The following ASB4 variants were observed in gnomAD, a reference collection of about 807,000 sequenced individuals.
The protein encoded by ASB4 is ankyrin repeat and SOCS box containing 4, also known as ankyrin repeat and SOCS box protein 4.
Under a neutral mutation model 38.6 loss-of-function variants are expected in ASB4, and 35 were observed. That is an observed-to-expected ratio of 0.91 (90% CI 0.69 to 1.20). The LOEUF is 1.20. Among genes scored for constraint, ASB4 ranks in the 50% most tolerant of loss-of-function variants. ASB4 has a pLI of 0.00. For synonymous variants in ASB4, 195 were observed against 201.3 expected, an observed-to-expected ratio of 0.97 and a Z score of 0.26; for missense variants, 557 against 527.2, an observed-to-expected ratio of 1.06 and a Z score of -0.55.
chr7:95,519,933 A>G (rs1011501084), intron 2 of ASB4, among the ~76,000 whole-genome samples: 8 of 152,126 alleles, frequency 5.3e-5, no homozygotes, highest in African/African-American at 1.9e-4. Flanking sequence ...ATACATAAAG[A>G]GATGTTTTCT....
chr7:95,498,749 TG>T (rs1790288452), intron 2 of ASB4, among the ~76,000 whole-genome samples: 1 of 152,198 alleles, frequency 6.6e-6, no homozygotes, highest in Admixed American at 6.5e-5. Flanking sequence ...TTGTTTCATA[TG>T]TTTATTTCTA....
At chr7:95,516,240 G>T (rs927552835) in intron 2 of ASB4, among the ~76,000 whole-genome samples, 5 of 152,106 alleles carry the variant, frequency 3.3e-5, no homozygotes, top group African/African-American at 9.7e-5. Flanking sequence ...GATTTCATGA[G>T]CCCAACAGAT....
chr7:95,515,217 C>CTTTATT (rs752644523), intron 2 of ASB4, among the ~76,000 whole-genome samples: 1 of 113,542 alleles, frequency 8.8e-6, no homozygotes, highest in African/African-American at 4.3e-5. Context: ...TTCTTTCTTT[C>CTTTATT]TTTCTTTCTT....
intron 2 of ASB4, among the ~76,000 whole-genome samples, chr7:95,520,745 C>T (rs1790650980): frequency 6.6e-6 from 1 of 151,668 alleles, no homozygotes; most frequent in Non-Finnish European, 1.5e-5. Context: ...TCTTTATCCA[C>T]TGCCACACCT....
intron 2 of ASB4, among the ~76,000 whole-genome samples, chr7:95,519,238 T>C (rs1788783438): frequency 1.3e-5 from 2 of 152,186 alleles, no homozygotes; most frequent in African/African-American, 4.8e-5. Flanking sequence ...GTTCATGACA[T>C]ACTCGACACT....
chr7:95,547,655 G>A, the ASB4 span, among the ~76,000 whole-genome samples: 1 of 152,222 alleles, frequency 6.6e-6, no homozygotes, highest in Non-Finnish European at 1.5e-5. Context: ...TTAAACATCA[G>A]TTTAGATGTT....
intron 2 of ASB4, among the ~76,000 whole-genome samples, chr7:95,513,042 G>A (rs1289787763): frequency 1.3e-5 from 2 of 152,012 alleles, no homozygotes; most frequent in Admixed American, 1.3e-4. Context: ...TATAGTTAGA[G>A]GAAATGTGGC....
intron 2 of ASB4, among the ~76,000 whole-genome samples, chr7:95,523,267 A>C (rs1790688020): frequency 6.6e-6 from 1 of 152,230 alleles, no homozygotes; most frequent in African/African-American, 2.4e-5. Flanking sequence ...TTGACAATCG[A>C]AAGTCAACAT....
chr7:95,488,077 C>A (rs1252455345), intron 1 of ASB4, among the ~76,000 whole-genome samples: 3 of 152,226 alleles, frequency 2.0e-5, no homozygotes, highest in Non-Finnish European at 4.4e-5. Flanking sequence ...AGTGGTGGCT[C>A]ACGCCTGTAA....
chr7:95,479,282 T>A (rs1410226064), intron 1 of ASB4, among the ~76,000 whole-genome samples: 1 of 152,134 alleles, frequency 6.6e-6, no homozygotes, highest in African/African-American at 2.4e-5. Context: ...TCAGGAAAAA[T>A]TGTGATGTTC....
chr7:95,529,137 T>A (rs998979460), intron 3 of ASB4, among the ~76,000 whole-genome samples: 13 of 152,332 alleles, frequency 8.5e-5, no homozygotes, highest in Admixed American at 8.5e-4. Flanking sequence ...TTTAATATGC[T>A]GTGGTAAATG....
chr7:95,536,792 AG>A (rs879757498), intron 4 of ASB4, among the ~76,000 whole-genome samples: 5 of 152,210 alleles, frequency 3.3e-5, no homozygotes, highest in Non-Finnish European at 7.3e-5. Flanking sequence ...AAGTATATAA[AG>A]GTGGCAGTTT....
At chr7:95,495,380 T>TA (rs1338291915) in intron 1 of ASB4, among the ~76,000 whole-genome samples, 1 of 152,080 alleles carries the variant, frequency 6.6e-6, no homozygotes, top group Non-Finnish European at 1.5e-5. Context: ...GAAAGTTTTT[T>TA]AAAAAAATAT....
chr7:95,477,135 T>G (rs1256643353), upstream of ASB4, among the ~76,000 whole-genome samples: 2 of 152,124 alleles, frequency 1.3e-5, no homozygotes, highest in Admixed American at 1.3e-4. Flanking sequence ...ATACTGCAGC[T>G]GTTCTTCCGG....
chr7:95,510,934 C>T (rs1168285755), intron 2 of ASB4, among the ~76,000 whole-genome samples: 2 of 152,112 alleles, frequency 1.3e-5, no homozygotes, highest in Non-Finnish European at 2.9e-5. Context: ...GAGCCTGGAG[C>T]TTATTATCCT....
upstream of ASB4, among the ~76,000 whole-genome samples, chr7:95,482,671 G>A (rs1255381974): frequency 6.6e-6 from 1 of 152,224 alleles, no homozygotes; most frequent in Non-Finnish European, 1.5e-5. Context: ...CACCTCTGGA[G>A]GGAGATCAAT....
At chr7:95,474,197 T>C (rs1390912020), upstream of ASB4, among the ~76,000 whole-genome samples, 1 of 152,252 alleles carries the variant, frequency 6.6e-6, no homozygotes, top group African/African-American at 2.4e-5. Flanking sequence ...TGCTGAACTT[T>C]AGTCTTTTCC....
At chr7:95,509,245 T>C (rs896085937) in intron 2 of ASB4, among the ~76,000 whole-genome samples, 1 of 152,164 alleles carries the variant, frequency 6.6e-6, no homozygotes, top group Non-Finnish European at 1.5e-5. Context: ...GGGGTGTTCT[T>C]TTTATTTATC....
chr7:95,492,581 A>G (rs923803630), intron 1 of ASB4, among the ~76,000 whole-genome samples: 4 of 152,206 alleles, frequency 2.6e-5, no homozygotes, highest in Non-Finnish European at 5.9e-5. Flanking sequence ...TCTTCCCTCC[A>G]GCGCTAACAT....
Sources: gnomAD v4.1 joint callset for allele counts (sites outside exome capture counted in the v4.1 genomes callset) on GRCh38, gnomAD v4.1.1 for gene constraint, MANE v1.5 for transcripts, NCBI Gene and HGNC (gene_info 2026-07-23, HGNC 2026-07-21) for gene names.